The following ZBTB45 variants were observed in gnomAD, a reference collection of about 807,000 sequenced individuals.
The protein encoded by ZBTB45 is zinc finger and BTB domain-containing protein 45.
A neutral mutation model predicts 28.4 loss-of-function variants in ZBTB45; 22 were observed. The observed-to-expected ratio is 0.77, with a 90% CI of 0.55 to 1.10. The LOEUF (loss-of-function observed/expected upper bound fraction) is 1.10. Among genes scored for constraint, ZBTB45 ranks in the 50% least tolerant of loss-of-function variants. ZBTB45 has a pLI of 0.00. For missense variants in ZBTB45, 656 were observed against 750.2 expected (o/e 0.87, Z 1.47); for synonymous variants, 361 against 332.3 (o/e 1.09, Z -0.94).
rs1210123891 is a variant in ZBTB45 at position 58,517,586 on chromosome 19, C to T, written c.88G>A (p.Gly30Arg). The T allele has an allele frequency of 2.5e-6, 4 of 1,613,898 alleles. No individual in the cohort carries two copies. Among genetic ancestry groups the T allele is most frequent in the Non-Finnish European group, 2.5e-6 (3 of 1,179,980 alleles). Residue 30 changes from glycine (G) to arginine (R), a missense_variant, in exon 2 of 3, where the codon GGA becomes AGA. Gly to Arg is a moderately radical substitution (Grantham distance 125). Transcript: ENST00000594051. The stretch of plus-strand genomic sequence containing the variant: ...CGCACAGTCACGTCACAGAAGTGTC[C>T]CCCAAGCCTCTGCCCATTGAGGGTC... ...LETLNGQRLG[G>R]HFCDVTVRIR...
chr19:58,518,173 C>A (rs2053540037), intron 1 of ZBTB45, among the ~76,000 whole-genome samples: 1 of 152,276 alleles, frequency 6.6e-6, no homozygotes, highest in African/African-American at 2.4e-5. Flanking sequence ...CCTCCTCCAC[C>A]CCTGCTGACA....
chr19:58,527,957 C>G (rs1157925739), intron 1 of ZBTB45, among the ~76,000 whole-genome samples: 6 of 152,172 alleles, frequency 3.9e-5, no homozygotes, highest in African/African-American at 1.4e-4. Context: ...CAAAAATTAT[C>G]TGGGCGTGGC....
intron 1 of ZBTB45, among the ~76,000 whole-genome samples, chr19:58,527,691 G>A (rs753430861): frequency 2.0e-4 from 30 of 152,182 alleles, no homozygotes; most frequent in Non-Finnish European, 3.2e-4. Flanking sequence ...TCTCCCAGCC[G>A]TCTTCCTGCT....
intron 2 of ZBTB45, among the ~76,000 whole-genome samples, chr19:58,514,981 G>A (rs1314974024): frequency 6.6e-6 from 1 of 152,130 alleles, no homozygotes; most frequent in Non-Finnish European, 1.5e-5. Flanking sequence ...TCTGGGTTAG[G>A]GGAGGGGAGG....
At chr19:58,534,027 T>C (rs1278035718) in intron 1 of ZBTB45, among the ~76,000 whole-genome samples, 2 of 152,208 alleles carry the variant, frequency 1.3e-5, no homozygotes, top group African/African-American at 2.4e-5. Flanking sequence ...AAAGCTTGTC[T>C]GTGAAGTTAG....
At position 58,516,245 on chromosome 19, in the gene ZBTB45, C is replaced by T; in HGVS notation, c.1279+150G>A. The T allele has an allele frequency of 2.0e-6, 2 of 1,008,224 alleles. No individual in the cohort carries two copies. Among genetic ancestry groups the T allele is most frequent in the Non-Finnish European group, 2.9e-6 (2 of 690,732 alleles). The allele number at this position is 1,008,224 out of a possible 1,614,324, so 62.5% of individuals were successfully genotyped here. On this transcript the variant is annotated intron_variant, in intron 2 of 2. Transcript: ENST00000594051. The surrounding 1 kb of genome is among the most constrained non-coding windows in gnomAD (Gnocchi z 6.2). ...TGGGGCTTTCCCCTCCCCCACATAC[C>T]TTGCACTTGGGGGAAGGCTCAATTT...
upstream of ZBTB45, among the ~76,000 whole-genome samples, chr19:58,523,167 A>T (rs534974806): frequency 1.1e-3 from 168 of 151,986 alleles, no homozygotes; most frequent in African/African-American, 3.9e-3. Context: ...CCAAACCCTG[A>T]CCTCTCTCAA....
At chr19:58,514,925 C>T (rs1019050520) in intron 2 of ZBTB45, among the ~76,000 whole-genome samples, 1 of 152,302 alleles carries the variant, frequency 6.6e-6, no homozygotes, top group Admixed American at 6.5e-5. Flanking sequence ...AACCCCTGCC[C>T]GCTGGCCACT....
At chr19:58,536,820 C>CGACT (rs1247472274) in intron 1 of ZBTB45, among the ~76,000 whole-genome samples, 26 of 152,102 alleles carry the variant, frequency 1.7e-4, no homozygotes, top group African/African-American at 6.3e-4. Flanking sequence ...AGGCAGTAGG[C>CGACT]AGTCCTCAGG....
intron 1 of ZBTB45, among the ~76,000 whole-genome samples, chr19:58,526,619 C>T (rs1383248707): frequency 7.0e-6 from 1 of 143,376 alleles, no homozygotes; most frequent in African/African-American, 2.6e-5. Context: ...GCAAGCTCCG[C>T]CTCCCGGGTT....
chr19:58,527,921 G>C (rs1362649936), intron 1 of ZBTB45, among the ~76,000 whole-genome samples: 1 of 152,174 alleles, frequency 6.6e-6, no homozygotes, highest in East Asian at 1.9e-4. Context: ...GGCCAACATT[G>C]GCAAAACCCT....
upstream of ZBTB45, among the ~76,000 whole-genome samples, chr19:58,520,984 G>A (rs1328404902): frequency 2.2e-4 from 32 of 144,922 alleles, no homozygotes; most frequent in Middle Eastern, 3.9e-3. Flanking sequence ...CCCGGGAGGC[G>A]GAGCTTGAAG....
chr19:58,524,273 G>A (rs2053594096), upstream of ZBTB45, among the ~76,000 whole-genome samples: 1 of 149,838 alleles, frequency 6.7e-6, no homozygotes, highest in African/African-American at 2.5e-5. Context: ...GCTGAGGCAG[G>A]AGAATACCTT....
At position 58,516,306 on chromosome 19, in the gene ZBTB45, G is replaced by T; in HGVS notation, c.1279+89C>A. 6.6e-7 allele frequency: 1 copy of T among 1,505,904 alleles called. No homozygotes were observed. Among genetic ancestry groups the T allele is most frequent in the Non-Finnish European group, 9.1e-7 (1 of 1,103,016 alleles). The allele number at this position is 1,505,904 out of a possible 1,614,324, so 93.3% of individuals were successfully genotyped here. A position where few individuals can be genotyped will look rare whatever the true frequency, so the allele number is the denominator to read the frequency against. ...TGCTAACCAAAAGTAACAGAACAGT[G>T]CCAGTGCCCTGTAACTAGTGCTCAA... On this transcript the variant is annotated intron_variant, in intron 2 of 2. Coordinates refer to ENST00000594051, the MANE Select transcript of ZBTB45 (RefSeq NM_001316979.2). The surrounding 1 kb of genome is among the most constrained non-coding windows in gnomAD (Gnocchi z 6.2).
At chr19:58,518,877 T>A (rs2053549381) in intron 1 of ZBTB45, 1 of 152,204 alleles carries the variant, frequency 6.6e-6, no homozygotes, top group Non-Finnish European at 1.5e-5. Flanking sequence ...GGCTTGATGC[T>A]GCCCCTACAC....
At chr19:58,526,775 C>T (rs1386136584) in intron 1 of ZBTB45, among the ~76,000 whole-genome samples, 1 of 151,282 alleles carries the variant, frequency 6.6e-6, no homozygotes, top group Non-Finnish European at 1.5e-5. Context: ...TCGTGATCCG[C>T]CCGCCTCGGC....
At position 58,516,994 on chromosome 19, in the gene ZBTB45, CCGCCACCTT is replaced by C. The variant is rs1367771500; in HGVS notation, c.671_679del (p.Glu224_Gly226del). The C allele has an allele frequency of 8.1e-6, 13 of 1,613,190 alleles. No homozygotes were observed. Among genetic ancestry groups the C allele is most frequent in the South Asian group, 1.1e-5 (1 of 91,092 alleles). ...AGGAGGTGCCTGGCCCTCGCCTGGGCCGCCACCTTCGCCATCCTCGCCATCGGTCTCATC... is the reference window on the plus strand; with the variant it reads ...AGGAGGTGCCTGGCCCTCGCCTGGGCCGCCATCCTCGCCATCGGTCTCATC... On this transcript the variant is annotated inframe_deletion, in exon 2 of 3. Transcript: ENST00000594051. The surrounding 1 kb of genome is among the most constrained non-coding windows in gnomAD (Gnocchi z 6.2).
rs1036275775 is a variant in ZBTB45, at chr19:58,515,335, A to AC, written c.1280-1026_1280-1025insG. 9.2e-5 allele frequency among the ~76,000 whole-genome samples: 14 copies of AC among 151,360 alleles called. No individual in the cohort carries two copies. Among genetic ancestry groups the AC allele is most frequent in the Middle Eastern group, 6.8e-3 (2 of 294 alleles). On this transcript the variant is annotated intron_variant, in intron 2 of 2. Transcript: ENST00000594051. This position sits in a 1 kb window ranked among gnomAD's most constrained non-coding sequence, Gnocchi z 4.7. ...GGTCTCAAAAAAAATTAAAAAAAAA[A>AC]AAACCCTATCTCAGTGGCAGTGGAC...
At chr19:58,538,124 C>T (rs2053670513) in intron 1 of ZBTB45, among the ~76,000 whole-genome samples, 1 of 152,270 alleles carries the variant, frequency 6.6e-6, no homozygotes, top group Admixed American at 6.5e-5. Flanking sequence ...AGACGTGAGC[C>T]ACCGTTCCTG....
Sources: gnomAD v4.1 joint callset for allele counts (sites outside exome capture counted in the v4.1 genomes callset) on GRCh38, gnomAD v4.1.1 for gene constraint, Gnocchi (gnomAD v3.1) non-coding constraint, MANE v1.5 for transcripts, NCBI Gene and HGNC (gene_info 2026-07-23, HGNC 2026-07-21) for gene names.